Variants in HIPK2 observed in about 807,000 individuals in gnomAD.
HIPK2 encodes homeodomain-interacting protein kinase 2.
HIPK2 carries 27 observed loss-of-function variants against 113.7 expected under a neutral mutation model. That is an observed-to-expected ratio of 0.24 (90% CI 0.17 to 0.33). HIPK2 has a LOEUF of 0.33. HIPK2 is among the 10% of genes least tolerant of loss of function. HIPK2 has a pLI of 1.00. For synonymous variants in HIPK2, 631 were observed against 642.2 expected, an observed-to-expected ratio of 0.98 and a Z score of 0.26; for missense variants, 1,257 against 1,588.0, an observed-to-expected ratio of 0.79 and a Z score of 3.54.
At position 139,631,548 on chromosome 7, in the gene HIPK2, T is replaced by A. The variant is rs1261782839; in HGVS notation, c.1227+54A>T. On this transcript the variant is annotated intron_variant, in intron 3 of 14. Coordinates refer to ENST00000406875, the MANE Select transcript of HIPK2 (RefSeq NM_022740.5). This position sits in a 1 kb window ranked among gnomAD's most constrained non-coding sequence, Gnocchi z 4.9. ...TAATCAATGAAATGCTAATCCAGGC[T>A]ATTTTCCAGATGAAGAATGAGGTCT... 3 of 1,593,430 alleles carry A rather than the reference T, an allele frequency of 1.9e-6. No homozygotes were observed. The Admixed American group carries it at 5.2e-5, about 28-fold the overall frequency.
intron 4 of HIPK2, among the ~76,000 whole-genome samples, chr7:139,629,333 C>T (rs1800535338): frequency 6.6e-6 from 1 of 152,208 alleles, no homozygotes; most frequent in Admixed American, 6.5e-5. Context: ...AGCTTACAGC[C>T]TTCTCTGAGT....
At chr7:139,694,831 G>A (rs957984940) in intron 2 of HIPK2, among the ~76,000 whole-genome samples, 2 of 152,192 alleles carry the variant, frequency 1.3e-5, no homozygotes, top group African/African-American at 4.8e-5. Flanking sequence ...CAGGTGACTG[G>A]CAACCATTTA....
intron 2 of HIPK2, among the ~76,000 whole-genome samples, chr7:139,699,851 A>G (rs975510972): frequency 6.6e-6 from 1 of 152,158 alleles, no homozygotes; most frequent in African/African-American, 2.4e-5. Context: ...GAATGCACAG[A>G]TGTGCCCTCC....
chr7:139,608,360 GTA>G (rs1039226018), intron 9 of HIPK2, among the ~76,000 whole-genome samples: 1 of 137,402 alleles, frequency 7.3e-6, no homozygotes, highest in South Asian at 2.2e-4. Context: ...ATATATATGT[GTA>G]TATATATACA....
intron 13 of HIPK2, among the ~76,000 whole-genome samples, chr7:139,583,080 C>T (rs1048108844): frequency 7.2e-5 from 11 of 152,254 alleles, no homozygotes; most frequent in African/African-American, 2.2e-4. Flanking sequence ...TGCAGGCTGG[C>T]TTGGGTGTGG....
At chr7:139,730,451 C>T (rs1795740548) in intron 1 of HIPK2, among the ~76,000 whole-genome samples, 3 of 150,098 alleles carry the variant, frequency 2.0e-5, no homozygotes, top group Admixed American at 1.3e-4. Flanking sequence ...ACCTCCACCT[C>T]CCAGGTTCAA....
At chr7:139,588,498 A>G (rs1798911558) in intron 12 of HIPK2, among the ~76,000 whole-genome samples, 1 of 144,576 alleles carries the variant, frequency 6.9e-6, no homozygotes, top group Non-Finnish European at 1.5e-5. Context: ...TCGGGGTGAC[A>G]CAGCCAGACT....
intron 2 of HIPK2, among the ~76,000 whole-genome samples, chr7:139,638,778 C>T (rs1800902828): frequency 6.6e-6 from 1 of 151,772 alleles, no homozygotes; most frequent in African/African-American, 2.4e-5. Flanking sequence ...CTGCCTCAGC[C>T]TCCTGAGTAG....
chr7:139,730,929 A>G (rs1020246661), intron 1 of HIPK2, among the ~76,000 whole-genome samples: 3 of 152,168 alleles, frequency 2.0e-5, no homozygotes, highest in African/African-American at 7.2e-5. Flanking sequence ...GCTGTAACCC[A>G]AGGGATGCCC....
chr7:139,635,013 A>T (rs1207269274), intron 2 of HIPK2, among the ~76,000 whole-genome samples: 1 of 152,134 alleles, frequency 6.6e-6, no homozygotes, highest in Non-Finnish European at 1.5e-5. Flanking sequence ...AACACTACCA[A>T]AAAAAGTATT....
Position 139,716,138 on chromosome 7 carries a change from T to C in HIPK2, c.897A>G (p.Lys299=), listed in dbSNP as rs181159142. 1.2e-6 allele frequency: 2 copies of C among 1,614,018 alleles called. No homozygotes were observed. Among genetic ancestry groups the C allele is most frequent in the Admixed American group, 3.3e-5 (2 of 60,028 alleles). The change falls in exon 2 of 15, where the codon AAA becomes AAG. Residue 299 remains lysine (K), a synonymous_variant. Transcript: ENST00000406875. The surrounding 1 kb of genome is among the most constrained non-coding windows in gnomAD (Gnocchi z 9.3). ...KQNKFSPLPL[K]YIRPVLQQVA... ...CCTGCTGGAGAACTGGGCGAATGTA[T>C]TTGAGGGGCAAGGGGCTAAACTTGT...
intron 1 of HIPK2, among the ~76,000 whole-genome samples, chr7:139,739,767 C>A (rs370931805): frequency 1.3e-5 from 2 of 152,318 alleles, no homozygotes; most frequent in African/African-American, 4.8e-5. Flanking sequence ...TCTATCTCTG[C>A]GGACTTGCCT....
chr7:139,666,846 T>C (rs893019583), intron 2 of HIPK2, among the ~76,000 whole-genome samples: 3 of 152,168 alleles, frequency 2.0e-5, no homozygotes, highest in African/African-American at 7.2e-5. Context: ...GTAGACGGCC[T>C]GAGGTCAGGA....
rs1298467019 is a variant in HIPK2, at chr7:139,568,844, G to A, written c.*4083C>T. 6.6e-6 allele frequency: 1 copy of A among 152,316 alleles called. No homozygotes were observed. Among genetic ancestry groups the A allele is most frequent in the Non-Finnish European group, 1.5e-5 (1 of 68,110 alleles). The allele number at this position is 152,316 out of a possible 1,614,324, so 9.4% of individuals were successfully genotyped here. On this transcript the variant is annotated 3_prime_UTR_variant, in exon 15 of 15. Coordinates refer to ENST00000406875, the MANE Select transcript of HIPK2 (RefSeq NM_022740.5). ...TGTGGCAGCTCCATGCATGGGGGTA[G>A]AGGAGGCCATTGGGTGAGGACTAGG...
At chr7:139,722,723 C>A (rs536693301) in intron 1 of HIPK2, among the ~76,000 whole-genome samples, 1 of 152,100 alleles carries the variant, frequency 6.6e-6, no homozygotes, top group Admixed American at 6.5e-5. Context: ...TAGGCCAATT[C>A]AATTATTCAG....
chr7:139,582,149 GGA>G (rs1451914196), intron 13 of HIPK2, among the ~76,000 whole-genome samples: 1 of 152,140 alleles, frequency 6.6e-6, no homozygotes, highest in Non-Finnish European at 1.5e-5. Flanking sequence ...GATGGTTTTT[GGA>G]GAGAGATGTC....
intron 2 of HIPK2, among the ~76,000 whole-genome samples, chr7:139,637,086 A>C (rs1800838735): frequency 6.6e-6 from 1 of 152,196 alleles, no homozygotes; most frequent in African/African-American, 2.4e-5. Flanking sequence ...TAACATGGCC[A>C]GCTCCAAAGT....
At chr7:139,705,528 C>T (rs1794865595) in intron 2 of HIPK2, among the ~76,000 whole-genome samples, 1 of 152,168 alleles carries the variant, frequency 6.6e-6, no homozygotes, top group African/African-American at 2.4e-5. Context: ...AGGCACCCAC[C>T]AACACGCCCA....
chr7:139,678,615 C>T (rs375838418), intron 2 of HIPK2, among the ~76,000 whole-genome samples: 48 of 152,266 alleles, frequency 3.2e-4, no homozygotes, highest in East Asian at 1.3e-3. Flanking sequence ...AGCATGATGC[C>T]GCTAGCTTTG....
Sources: gnomAD v4.1 joint callset for allele counts (sites outside exome capture counted in the v4.1 genomes callset) on GRCh38, gnomAD v4.1.1 for gene constraint, Gnocchi (gnomAD v3.1) non-coding constraint, MANE v1.5 for transcripts, NCBI Gene and HGNC (gene_info 2026-07-23, HGNC 2026-07-21) for gene names.